The following ATF7IP2 variants were observed in gnomAD, a reference collection of about 807,000 sequenced individuals.
ATF7IP2 encodes activating transcription factor 7 interacting protein 2.
Under a neutral mutation model 64.2 loss-of-function variants are expected in ATF7IP2, and 42 were observed. The observed-to-expected ratio is 0.65, with a 90% CI of 0.51 to 0.85. The LOEUF (loss-of-function observed/expected upper bound fraction) is 0.85. Among genes scored for constraint, ATF7IP2 ranks in the 40% least tolerant of loss-of-function variants. The pLI, the probability that ATF7IP2 is intolerant of heterozygous loss-of-function variation, is 0.00. For missense variants in ATF7IP2, 933 were observed against 784.2 expected, an observed-to-expected ratio of 1.19 and a Z score of -2.27; for synonymous variants, 308 against 272.8, an observed-to-expected ratio of 1.13 and a Z score of -1.27.
intron 3 of ATF7IP2, among the ~76,000 whole-genome samples, chr16:10,423,500 C>G (rs987202496): frequency 1.3e-5 from 2 of 152,198 alleles, no homozygotes; most frequent in Non-Finnish European, 2.9e-5. Context: ...ACCCTCTCGT[C>G]TAGCTTGCTG....
intron 1 of ATF7IP2, among the ~76,000 whole-genome samples, chr16:10,404,386 G>C (rs1194912398): frequency 6.6e-6 from 1 of 152,140 alleles, no homozygotes; most frequent in Non-Finnish European, 1.5e-5. Context: ...CCGAGTAGCT[G>C]GGATTACAGG....
At chr16:10,460,529 CAGT>C (rs1156333283) in intron 9 of ATF7IP2, among the ~76,000 whole-genome samples, 10 of 152,124 alleles carry the variant, frequency 6.6e-5, no homozygotes, top group Non-Finnish European at 1.3e-4. Flanking sequence ...ACCAGTGTAA[CAGT>C]AGAGAGTCCG....
At chr16:10,409,296 G>C (rs2047704540) in intron 1 of ATF7IP2, among the ~76,000 whole-genome samples, 1 of 152,180 alleles carries the variant, frequency 6.6e-6, no homozygotes, top group African/African-American at 2.4e-5. Flanking sequence ...GATTAGAACT[G>C]ATAGGAAGGT....
chr16:10,458,722 C>G (rs1236950290), intron 9 of ATF7IP2, among the ~76,000 whole-genome samples: 1 of 152,100 alleles, frequency 6.6e-6, no homozygotes, highest in African/African-American at 2.4e-5. Context: ...CTAGCATAAC[C>G]CTAATAGTAT....
chr16:10,443,462 G>A (rs139404977), intron 8 of ATF7IP2, among the ~76,000 whole-genome samples: 117 of 152,254 alleles, frequency 7.7e-4, no homozygotes, highest in African/African-American at 2.6e-3. Context: ...AGTAGAAAGC[G>A]GACAACCTGG....
chr16:10,466,164 C>T (rs1231925681), intron 9 of ATF7IP2, among the ~76,000 whole-genome samples: 1 of 152,214 alleles, frequency 6.6e-6, no homozygotes, highest in Non-Finnish European at 1.5e-5. Context: ...TCATGATACC[C>T]ATCCGTGCTG....
At chr16:10,476,438 A>G (rs532694450) in intron 12 of ATF7IP2, among the ~76,000 whole-genome samples, 54 of 152,214 alleles carry the variant, frequency 3.5e-4, no homozygotes, top group African/African-American at 1.3e-3. Context: ...ATACTTTCCA[A>G]TATAAACCCC....
chr16:10,476,592 T>TCAAC (rs1402100572), intron 12 of ATF7IP2, among the ~76,000 whole-genome samples: 3 of 152,124 alleles, frequency 2.0e-5, no homozygotes, highest in African/African-American at 7.2e-5. Context: ...GCTGCACCTA[T>TCAAC]CAACCCATCA....
intron 7 of ATF7IP2, among the ~76,000 whole-genome samples, chr16:10,439,896 G>T (rs1363981773): frequency 6.6e-6 from 1 of 151,512 alleles, no homozygotes; most frequent in African/African-American, 2.4e-5. Context: ...GGGCACGGTG[G>T]CTCACGCCTG....
intron 1 of ATF7IP2, among the ~76,000 whole-genome samples, chr16:10,396,153 T>C (rs1047899156): frequency 1.6e-4 from 24 of 152,096 alleles, no homozygotes; most frequent in African/African-American, 5.8e-4. Flanking sequence ...AAAGCATATA[T>C]AATAGCATCA....
intron 5 of ATF7IP2, among the ~76,000 whole-genome samples, chr16:10,432,715 A>C (rs2048297185): frequency 6.6e-6 from 1 of 152,016 alleles, no homozygotes; most frequent in Admixed American, 6.6e-5. Context: ...CTAAAAATAC[A>C]AAAAAAATTA....
intron 1 of ATF7IP2, among the ~76,000 whole-genome samples, chr16:10,412,149 T>TG (rs1387458679): frequency 1.3e-5 from 2 of 150,896 alleles, no homozygotes; most frequent in African/African-American, 4.9e-5. Context: ...TTATCTTTTG[T>TG]ATTTTTTTTT....
At chr16:10,402,056 C>T (rs559595704) in intron 1 of ATF7IP2, among the ~76,000 whole-genome samples, 6 of 152,112 alleles carry the variant, frequency 3.9e-5, no homozygotes, top group African/African-American at 1.4e-4. Context: ...AAAGAACCAA[C>T]TTTTTGTTTT....
At chr16:10,392,940 C>A (rs1421998541) in intron 1 of ATF7IP2, among the ~76,000 whole-genome samples, 1 of 151,984 alleles carries the variant, frequency 6.6e-6, no homozygotes, top group African/African-American at 2.4e-5. Flanking sequence ...AAGCTGTGTT[C>A]ATGCCCACTG....
chr16:10,407,044 A>G (rs2047655063), intron 1 of ATF7IP2, among the ~76,000 whole-genome samples: 1 of 152,212 alleles, frequency 6.6e-6, no homozygotes, highest in Non-Finnish European at 1.5e-5. Context: ...ATTATTAATC[A>G]TGACTAAGTA....
At chr16:10,394,287 G>A (rs775032721) in intron 1 of ATF7IP2, among the ~76,000 whole-genome samples, 11 of 152,196 alleles carry the variant, frequency 7.2e-5, no homozygotes, top group Non-Finnish European at 4.4e-5. Flanking sequence ...TATTGCTGGA[G>A]ATACATAGGG....
chr16:10,406,308 G>A (rs927269548), intron 1 of ATF7IP2, among the ~76,000 whole-genome samples: 2 of 152,010 alleles, frequency 1.3e-5, no homozygotes, highest in South Asian at 2.1e-4. Flanking sequence ...GTTTTGCCAC[G>A]TTGCTTGGGC....
At chr16:10,436,469 C>G (rs2048423218) in intron 6 of ATF7IP2, among the ~76,000 whole-genome samples, 1 of 151,832 alleles carries the variant, frequency 6.6e-6, no homozygotes, top group Admixed American at 6.6e-5. Context: ...AAATGACAAT[C>G]ATGTCTAATG....
chr16:10,470,633 AAGTT>A (rs1426820414), intron 9 of ATF7IP2, among the ~76,000 whole-genome samples: 3 of 151,892 alleles, frequency 2.0e-5, no homozygotes, highest in African/African-American at 2.4e-5. Context: ...TTTTTTTAAA[AAGTT>A]AGCCAGGCCT....
Sources: allele counts gnomAD v4.1 joint callset (sites outside exome capture counted in the v4.1 genomes callset), GRCh38; gene constraint gnomAD v4.1.1; transcripts MANE v1.5; gene names NCBI Gene and HGNC (gene_info 2026-07-23, HGNC 2026-07-21).